The following UBE3A variants were observed in gnomAD, a reference collection of about 807,000 sequenced individuals.
UBE3A encodes the protein ubiquitin protein ligase E3A, also known as ubiquitin-protein ligase E3A.
Under a neutral mutation model 83.4 loss-of-function variants are expected in UBE3A, and 6 were observed. The observed-to-expected ratio is 0.07, with a 90% CI of 0.04 to 0.14. The LOEUF is 0.14. Among genes scored for constraint, UBE3A ranks in the 10% least tolerant of loss-of-function variants. The pLI, the probability that UBE3A is intolerant of heterozygous loss-of-function variation, is 1.00. For missense variants in UBE3A, 456 were observed against 1,036.1 expected (o/e 0.44, Z 7.69); for synonymous variants, 337 against 355.4 (o/e 0.95, Z 0.58).
chr15:25,375,906 A>G (rs1262056745), intron 4 of UBE3A, 143 bp from the exon 5 acceptor site: 4 of 827,486 alleles, frequency 4.8e-6, no homozygotes, highest in South Asian at 1.5e-5. Flanking sequence ...ATGGAGATGC[A>G]CTATTTACCA....
chr15:25,415,530 T>C (rs1248913381), intron 1 of UBE3A, among the ~76,000 whole-genome samples: 2 of 152,144 alleles, frequency 1.3e-5, no homozygotes, highest in Non-Finnish European at 2.9e-5. Context: ...TATCCATTAC[T>C]AACCTCTATC....
intron 11 of UBE3A, among the ~76,000 whole-genome samples, chr15:25,352,828 G>T (rs1664604908): frequency 6.6e-6 from 1 of 152,204 alleles, no homozygotes; most frequent in Non-Finnish European, 1.5e-5. Flanking sequence ...TCTTGAGGAT[G>T]AGTTGGAAGC....
intron 6 of UBE3A, among the ~76,000 whole-genome samples, chr15:25,368,574 TCAAGTA>T (rs1259535080): frequency 1.3e-5 from 2 of 152,040 alleles, no homozygotes; most frequent in Non-Finnish European, 2.9e-5. Flanking sequence ...CTGGCAATAT[TCAAGTA>T]CATATACTAT....
intron 11 of UBE3A, among the ~76,000 whole-genome samples, chr15:25,349,447 G>A (rs2076184564): frequency 6.6e-6 from 1 of 151,760 alleles, no homozygotes; most frequent in Admixed American, 6.5e-5. Context: ...AGACACTTAA[G>A]AAAATGAAAA....
chr15:25,364,645 GTT>G (rs759514427), intron 6 of UBE3A, among the ~76,000 whole-genome samples: 3 of 97,624 alleles, frequency 3.1e-5, no homozygotes, highest in African/African-American at 6.9e-5. Context: ...TTTTTTGTTT[GTT>G]TTTTTTTTTT....
intron 4 of UBE3A, among the ~76,000 whole-genome samples, chr15:25,396,328 G>GC (rs2085557519): frequency 6.6e-6 from 1 of 152,156 alleles, no homozygotes; most frequent in South Asian, 2.1e-4. Context: ...TCCATGGCCA[G>GC]GCACGGTGGC....
chr15:25,379,793 A>C (rs925784681), intron 4 of UBE3A, among the ~76,000 whole-genome samples: 1 of 152,192 alleles, frequency 6.6e-6, no homozygotes, highest in African/African-American at 2.4e-5. Context: ...TATGTCTCTC[A>C]AGCTTAGAAT....
chr15:25,365,928 C>T (rs1490761227), intron 6 of UBE3A, among the ~76,000 whole-genome samples: 2 of 152,096 alleles, frequency 1.3e-5, no homozygotes, highest in South Asian at 2.1e-4. Context: ...GTTTGGGTAA[C>T]ACCAAATCAC....
chr15:25,399,471 C>T (rs977018275), intron 4 of UBE3A, among the ~76,000 whole-genome samples: 2 of 152,164 alleles, frequency 1.3e-5, no homozygotes, highest in African/African-American at 4.8e-5. Flanking sequence ...TCCCTTTCCC[C>T]GCTGTGTTCT....
intron 1 of UBE3A, among the ~76,000 whole-genome samples, chr15:25,437,008 GTTCTT>G (rs1596550174): frequency 1.3e-5 from 2 of 152,164 alleles, no homozygotes; most frequent in East Asian, 1.9e-4. Flanking sequence ...TTCATATTCT[GTTCTT>G]TTATTTCTCC....
intron 1 of UBE3A, among the ~76,000 whole-genome samples, chr15:25,431,623 G>A (rs1229282057): frequency 6.6e-6 from 1 of 152,122 alleles, no homozygotes; most frequent in East Asian, 1.9e-4. Context: ...GATTACAGGA[G>A]TGAGCCAAGG....
intron 2 of UBE3A, among the ~76,000 whole-genome samples, chr15:25,411,328 G>A (rs1046689378): frequency 3.3e-5 from 5 of 152,208 alleles, no homozygotes; most frequent in Non-Finnish European, 4.4e-5. Context: ...GGTGGCTAAC[G>A]CCTGTAATCC....
chr15:25,431,534 G>C (rs770742203), intron 1 of UBE3A, among the ~76,000 whole-genome samples: 1 of 151,988 alleles, frequency 6.6e-6, no homozygotes, highest in Non-Finnish European at 1.5e-5. Flanking sequence ...GTAGAGACAG[G>C]GTTTCACCAT....
chr15:25,399,629 T>C (rs2086593807), intron 4 of UBE3A, among the ~76,000 whole-genome samples: 1 of 152,132 alleles, frequency 6.6e-6, no homozygotes, highest in Admixed American at 6.5e-5. Context: ...AGTGCAGTGA[T>C]GCAATCACAG....
chr15:25,428,819 C>A (rs999395430), intron 1 of UBE3A, among the ~76,000 whole-genome samples: 1 of 152,114 alleles, frequency 6.6e-6, no homozygotes, highest in South Asian at 2.1e-4. Flanking sequence ...ATGGGCATAT[C>A]CATTTAGGAA....
At chr15:25,430,152 CATATATATAAGATT>C (rs1484930133) in intron 1 of UBE3A, among the ~76,000 whole-genome samples, 7 of 23,138 alleles carry the variant, frequency 3.0e-4, no homozygotes, top group African/African-American at 1.0e-3. Context: ...ATATATAATA[CATATATATAAGATT>C]ATATATATAT....
intron 4 of UBE3A, among the ~76,000 whole-genome samples, chr15:25,390,809 A>G (rs2084179083): frequency 6.6e-6 from 1 of 152,140 alleles, no homozygotes; most frequent in Admixed American, 6.5e-5. Context: ...ATATAGGTTC[A>G]TCAGAAAGAC....
chr15:25,392,508 A>C (rs2084637159), intron 4 of UBE3A, among the ~76,000 whole-genome samples: 1 of 152,174 alleles, frequency 6.6e-6, no homozygotes, highest in Admixed American at 6.5e-5. Flanking sequence ...CTTCAGTATA[A>C]ATTCTGCTTG....
chr15:25,368,867 G>A (rs2079788728), intron 6 of UBE3A, among the ~76,000 whole-genome samples: 1 of 152,156 alleles, frequency 6.6e-6, no homozygotes, highest in African/African-American at 2.4e-5. Context: ...GTAGACTTCT[G>A]AGCGAAAGAC....
Sources: allele counts gnomAD v4.1 joint callset (sites outside exome capture counted in the v4.1 genomes callset), GRCh38; gene constraint gnomAD v4.1.1; transcripts MANE v1.5; gene names NCBI Gene and HGNC (gene_info 2026-07-23, HGNC 2026-07-21).